Variants in ZBTB49 observed in about 807,000 individuals in gnomAD.
The protein encoded by ZBTB49 is zinc finger and BTB domain-containing protein 49.
A neutral mutation model predicts 57.5 loss-of-function variants in ZBTB49; 43 were observed. The observed-to-expected ratio is 0.75, with a 90% CI of 0.59 to 0.97. ZBTB49 has a LOEUF of 0.97. Among genes scored for constraint, ZBTB49 ranks in the 50% least tolerant of loss-of-function variants. The pLI is 0.00. For missense variants in ZBTB49, 938 were observed against 947.7 expected (o/e 0.99, Z 0.13); for synonymous variants, 369 against 362.1 (o/e 1.02, Z -0.22).
intron 1 of ZBTB49, among the ~76,000 whole-genome samples, chr4:4,291,897 G>A (rs1041727060): frequency 2.0e-5 from 3 of 152,226 alleles, no homozygotes; most frequent in African/African-American, 7.2e-5. Flanking sequence ...TTGGGAGGCC[G>A]AGGCAGGCAG....
intron 4 of ZBTB49, among the ~76,000 whole-genome samples, chr4:4,306,681 C>T (rs1298058487): frequency 5.3e-5 from 8 of 152,320 alleles, no homozygotes; most frequent in East Asian, 1.9e-4. Context: ...CTTGAGGAAA[C>T]GTTTGTTTTA....
In ZBTB49 at chr4:4,315,878, A is replaced by G; in HGVS notation, c.1529A>G (p.Asp510Gly). Residue 510 changes from aspartate (D) to glycine (G), a missense_variant, in exon 7 of 8, where the codon GAT becomes GGT. Asp to Gly is a moderately conservative substitution (Grantham distance 94). This residue lies in a region of ZBTB49 where 835 missense variants were observed against 819.1 expected (regional missense o/e 1.02). Coordinates refer to ENST00000337872, the MANE Select transcript of ZBTB49 (RefSeq NM_145291.4). The part of the protein sequence containing the change: ...THTADKVFTC[D>G]ECGKSFNMQR... ...ACGGCTGATAAAGTCTTCACCTGTG[A>G]TGAGTGTGGAAAGTCTTTTAATATG... 2 of 1,614,218 alleles carry G rather than the reference A, an allele frequency of 1.2e-6. No homozygotes were observed. The highest frequency in any genetic ancestry group is 1.6e-4 in the Middle Eastern group (1 of 6,062).
In ZBTB49 at chr4:4,313,088, A is replaced by G. The variant is rs1721043568; in HGVS notation, c.1350A>G (p.Pro450=). ...THLRRHSGEK[P]YICEICGKRF... is the part of the protein sequence containing the mutation. Reference sequence around the variant, plus strand: ...TACGACGGCATTCTGGTGAAAAACCATACATCTGCGAGATCTGTGGAAAGA... The same window carrying G: ...TACGACGGCATTCTGGTGAAAAACCGTACATCTGCGAGATCTGTGGAAAGA... Residue 450 remains proline, a synonymous_variant, in exon 5 of 8, where the codon CCA becomes CCG. Coordinates refer to ENST00000337872, the MANE Select transcript of ZBTB49 (RefSeq NM_145291.4). 2 of 1,614,074 alleles carry G rather than the reference A, an allele frequency of 1.2e-6. No individual in the cohort carries two copies. The highest frequency in any genetic ancestry group is 1.3e-5 in the African/African-American group (1 of 74,942).
At chr4:4,293,823 C>T (rs1250266918) in intron 1 of ZBTB49, among the ~76,000 whole-genome samples, 1 of 152,064 alleles carries the variant, frequency 6.6e-6, no homozygotes, top group Non-Finnish European at 1.5e-5. Context: ...TCCATAGCCA[C>T]TGTTCTGAAA....
At position 4,308,700 on chromosome 4, in the gene ZBTB49, C is replaced by A. The variant is rs138915120; in HGVS notation, c.1302+2516C>A. Among the ~76,000 whole-genome samples the A allele has an allele frequency of 4.6e-5, 7 of 152,236 alleles. No individual in the cohort carries two copies. The East Asian group carries it at 1.4e-3, about 29-fold the overall frequency. ...GCTGTCCATGAGCTCTGCTGTGTGC[C>A]GGGAAGGGGGACAGAAATGGCCATG... On this transcript the variant is annotated intron_variant, in intron 4 of 7. Transcript: ENST00000337872.
At chr4:4,314,462 C>A (rs375372883) in intron 5 of ZBTB49, among the ~76,000 whole-genome samples, 3 of 152,232 alleles carry the variant, frequency 2.0e-5, no homozygotes, top group South Asian at 2.1e-4. Context: ...ACCTCCACCC[C>A]CTGGGTTCAA....
rs760928528 is a variant in ZBTB49, at chr4:4,320,984, C to T, written c.1966C>T (p.Arg656Trp). The change falls in exon 8 of 8, where the codon CGG (arginine) becomes TGG (tryptophan). Residue 656 changes from arginine to tryptophan, a missense_variant. Physicochemically the swap from Arg to Trp is moderately radical, Grantham distance 101 (BLOSUM62 -3). Around this residue, in one of 3 missense-constraint regions of ZBTB49, gnomAD observed 835 missense variants for 819.1 expected, o/e 1.02. Transcript: ENST00000337872. ...SHSGGSYCKL[R>W]SMIQPHGVSD... The stretch of plus-strand genomic sequence containing the variant: ...CTCTGGCGGCTCCTATTGTAAGTTA[C>T]GGTCCATGATCCAACCTCATGGAGT... 7.4e-6 allele frequency: 12 copies of T among 1,614,190 alleles called. No individual in the cohort carries two copies. The highest frequency in any genetic ancestry group is 4.4e-5 in the South Asian group (4 of 91,074).
At chr4:4,303,157 T>C (rs1720580022) in intron 3 of ZBTB49, 66 bp downstream of exon 3, 1 of 1,447,838 alleles carries the variant, frequency 6.9e-7, no homozygotes, top group South Asian at 1.7e-5. Context: ...CACCACTGGC[T>C]CTTCTTGTTT....
intron 4 of ZBTB49, among the ~76,000 whole-genome samples, chr4:4,308,609 T>A (rs1488393053): frequency 6.6e-6 from 1 of 152,246 alleles, no homozygotes; most frequent in East Asian, 1.9e-4. Flanking sequence ...ATTTTCATAG[T>A]AAAGTATGAA....
intron 7 of ZBTB49, among the ~76,000 whole-genome samples, chr4:4,317,818 G>A (rs556409771): frequency 6.6e-6 from 1 of 152,212 alleles, no homozygotes; most frequent in African/African-American, 2.4e-5. Context: ...TCTTCCCCCA[G>A]CATTTCACTG....
chr4:4,320,958 A>T lies in ZBTB49; in HGVS notation c.1940A>T (p.His647Leu). 6.2e-7 allele frequency: 1 copy of T among 1,614,138 alleles called. No homozygotes were observed. Among genetic ancestry groups the T allele is most frequent in the Non-Finnish European group, 8.5e-7 (1 of 1,180,026 alleles). The change falls in exon 8 of 8, where the codon CAC (histidine) becomes CTC (leucine). Residue 647 changes from histidine (H) to leucine (L), a missense_variant. By Grantham distance (99) the His-to-Leu change is moderately conservative. This residue lies in a region of ZBTB49 where 835 missense variants were observed against 819.1 expected (regional missense o/e 1.02). Coordinates refer to ENST00000337872, the MANE Select transcript of ZBTB49 (RefSeq NM_145291.4). ...AATTCTGTGGCAGAATTTGATAGCC[A>T]CTCTGGCGGCTCCTATTGTAAGTTA... The part of the protein sequence containing the change: ...VENSVAEFDS[H>L]SGGSYCKLRS...
chr4:4,320,787 A>G lies in ZBTB49; in HGVS notation c.1769A>G (p.Asp590Gly), dbSNP rs770507482. The change falls in exon 8 of 8, where the codon GAC becomes GGC. Residue 590 changes from aspartate (D) to glycine (G), a missense_variant. Asp to Gly is a moderately conservative substitution (Grantham distance 94, BLOSUM62 -1). Transcript: ENST00000337872. ...RHKKMHCKAG[D>G]ESPDVLEELS... ...AAGAAGATGCACTGCAAAGCTGGTGACGAGAGCCCAGATGTGCTGGAGGAG... is the reference window on the plus strand; with the variant it reads ...AAGAAGATGCACTGCAAAGCTGGTGGCGAGAGCCCAGATGTGCTGGAGGAG... The G allele has an allele frequency of 1.5e-5, 25 of 1,614,192 alleles. No homozygotes were observed. Among genetic ancestry groups the G allele is most frequent in the Non-Finnish European group, 2.1e-5 (25 of 1,180,034 alleles).
chr4:4,321,492 A>T lies in ZBTB49; in HGVS notation c.*176A>T. The T allele has an allele frequency of 1.4e-6, 1 of 731,484 alleles. No homozygotes were observed. Among genetic ancestry groups the T allele is most frequent in the East Asian group, 2.8e-5 (1 of 35,586 alleles). 45.3% of individuals were successfully genotyped at this position (731,484 alleles called of 1,614,324 possible). A position where few individuals can be genotyped will look rare whatever the true frequency, so the allele number is the denominator to read the frequency against. On this transcript the variant is annotated 3_prime_UTR_variant, in exon 8 of 8. Coordinates refer to ENST00000337872, the MANE Select transcript of ZBTB49 (RefSeq NM_145291.4). ...ATCTTGAGCTGGGGGTGTGAGGGGGAGGGCCTGCTGGCTCACCGTGAGGCA... is the reference window on the plus strand; with the variant it reads ...ATCTTGAGCTGGGGGTGTGAGGGGGTGGGCCTGCTGGCTCACCGTGAGGCA...
intron 2 of ZBTB49, among the ~76,000 whole-genome samples, chr4:4,301,744 T>A (rs1720481428): frequency 2.6e-5 from 4 of 152,162 alleles, no homozygotes; most frequent in Admixed American, 1.3e-4. Context: ...AATTTGAGTA[T>A]ATTTCAAAAT....
At chr4:4,296,942 G>T (rs1038155087) in intron 1 of ZBTB49, among the ~76,000 whole-genome samples, 4 of 152,178 alleles carry the variant, frequency 2.6e-5, no homozygotes, top group Admixed American at 6.5e-5. Flanking sequence ...TTGGGAAGGA[G>T]GAGGCATGTT....
Position 4,315,824 on chromosome 4 carries a change from G to T in ZBTB49, c.1475G>T (p.Ser492Ile). The T allele has an allele frequency of 6.2e-7, 1 of 1,614,224 alleles. No homozygotes were observed. Among genetic ancestry groups the T allele is most frequent in the Non-Finnish European group, 8.5e-7 (1 of 1,180,032 alleles). ...GTCTCTCTAGGGTTTAGTAACTTCA[G>T]TAATTTGAAGGAGCACAAAAAGACA... Reference protein sequence around the residue: ...DICGRGFSNFSNLKEHKKTHT... With the variant: ...DICGRGFSNFINLKEHKKTHT... The change falls in exon 7 of 8, where the codon AGT (serine) becomes ATT (isoleucine). Residue 492 changes from serine (S) to isoleucine (I), a missense_variant. Physicochemically the swap from Ser to Ile is moderately radical, Grantham distance 142. This residue lies in a region of ZBTB49 where 835 missense variants were observed against 819.1 expected (regional missense o/e 1.02). Coordinates refer to ENST00000337872, the MANE Select transcript of ZBTB49 (RefSeq NM_145291.4).
Position 4,302,771 on chromosome 4 carries a change from T to G in ZBTB49, c.935T>G (p.Leu312Arg). 1 of 1,613,976 alleles carries G rather than the reference T, an allele frequency of 6.2e-7. No individual in the cohort carries two copies. Among genetic ancestry groups the G allele is most frequent in the Non-Finnish European group, 8.5e-7 (1 of 1,179,990 alleles). ...AAAAAGGCCATTCATCTGAAGAAGC[T>G]CAATTTCCTGAAGTCACAGAAATAC... ...RLKKAIHLKK[L>R]NFLKSQKYAE... Residue 312 changes from leucine (L) to arginine (R), a missense_variant, in exon 3 of 8, where the codon CTC becomes CGC. Around this residue, in one of 3 missense-constraint regions of ZBTB49, gnomAD observed 835 missense variants for 819.1 expected, o/e 1.02. Coordinates refer to ENST00000337872, the MANE Select transcript of ZBTB49 (RefSeq NM_145291.4).
At chr4:4,315,053 G>A (rs866580881) in intron 5 of ZBTB49, among the ~76,000 whole-genome samples, 20 of 152,342 alleles carry the variant, frequency 1.3e-4, no homozygotes, top group African/African-American at 4.1e-4. Context: ...CTTATTCTCT[G>A]GGGATATTCA....
In ZBTB49 at chr4:4,292,748, T is replaced by C. The variant is rs184926940; in HGVS notation, c.-20+2396T>C. On this transcript the variant is annotated intron_variant, in intron 1 of 7. Transcript: ENST00000337872. ...GCTTGACTTTAAGGTGCGTGAACTG[T>C]GGGCCCTTGGAGAAGTAATCTATTA... Among the ~76,000 whole-genome samples, 183 of 152,302 alleles carry C rather than the reference T, an allele frequency of 1.2e-3. 1 individual carries two copies. Among genetic ancestry groups the C allele is most frequent in the African/African-American group, 3.8e-3 (158 of 41,554 alleles).
Sources: gnomAD v4.1 joint callset for allele counts (sites outside exome capture counted in the v4.1 genomes callset) on GRCh38, gnomAD v4.1.1 for gene constraint, gnomAD v4.1.1 regional missense constraint, MANE v1.5 for transcripts, NCBI Gene and HGNC (gene_info 2026-07-23, HGNC 2026-07-21) for gene names.